Variants in FRMPD4 observed in about 807,000 individuals in gnomAD.
FRMPD4 encodes FERM and PDZ domain containing 4, also known as FERM and PDZ domain-containing protein 4.
A neutral mutation model predicts 94.1 loss-of-function variants in FRMPD4; 22 were observed. That is an observed-to-expected ratio of 0.23 (90% CI 0.17 to 0.33). FRMPD4 has a LOEUF of 0.33. Ranked by LOEUF, FRMPD4 falls within the 10% of genes least tolerant of loss-of-function variation. FRMPD4 has a pLI of 1.00. For synonymous variants in FRMPD4, 631 were observed against 548.6 expected (o/e 1.15, Z -2.10); for missense variants, 1,111 against 1,339.9 (o/e 0.83, Z 2.67).
intron 3 of FRMPD4, among the ~76,000 whole-genome samples, chrX:11,945,861 G>A (rs1279362057): frequency 8.9e-6 from 1 of 111,812 alleles, no homozygotes; most frequent in Non-Finnish European, 1.9e-5. Context: ...GAGATTTGGA[G>A]GAGACAAATA....
chrX:12,418,824 C>T (rs991823534), intron 1 of FRMPD4, among the ~76,000 whole-genome samples: 7 of 111,578 alleles, frequency 6.3e-5, no homozygotes, highest in Non-Finnish European at 1.1e-4. Flanking sequence ...TTATAAATAG[C>T]GGAAAACAGC....
chrX:12,305,725 G>GTTTTTTTTTTTTTTTTTTTTTTTTTTT (rs58794898), intron 1 of FRMPD4, among the ~76,000 whole-genome samples: 1 of 59,721 alleles, frequency 1.7e-5, no homozygotes, highest in African/African-American at 7.6e-5. Context: ...AGCTGGCTAA[G>GTTTTTTTTTTTTTTTTTTTTTTTTTTT]TTTTTTTTTT....
chrX:12,322,892 A>G (rs1001392737), intron 1 of FRMPD4, among the ~76,000 whole-genome samples: 1 of 111,774 alleles, frequency 8.9e-6, no homozygotes. Context: ...GTTATATATT[A>G]TATAATTAAT....
intron 1 of FRMPD4, among the ~76,000 whole-genome samples, chrX:12,439,002 G>T (rs1307271129): frequency 9.0e-6 from 1 of 111,055 alleles, no homozygotes; most frequent in African/African-American, 3.3e-5. Flanking sequence ...TCCTTATAAG[G>T]ATATGTTTGT....
intron 2 of FRMPD4, among the ~76,000 whole-genome samples, chrX:12,562,635 T>C (rs1339216507): frequency 6.2e-5 from 7 of 112,168 alleles, no homozygotes; most frequent in Non-Finnish European, 1.1e-4. Flanking sequence ...CACAGGAAAT[T>C]GACTTGAAAA....
chrX:12,494,642 A>G (rs1287238085), intron 1 of FRMPD4, among the ~76,000 whole-genome samples: 1 of 111,714 alleles, frequency 9.0e-6, no homozygotes, highest in Non-Finnish European at 1.9e-5. Context: ...CGAGCTGGCC[A>G]TCGAGATTTT....
In FRMPD4 at chrX:12,720,933, G is replaced by C; in HGVS notation, c.4364G>C (p.Ser1455Thr). Residue 1455 changes from serine (S) to threonine (T), a missense_variant, in exon 17 of 17, where the codon AGT becomes ACT. Ser to Thr is a moderately conservative substitution (Grantham distance 58, BLOSUM62 1). Around this residue, in one of 8 missense-constraint regions of FRMPD4, gnomAD observed 551 missense variants for 591.6 expected, o/e 0.93. Transcript: ENST00000675598. ...ELPLGRKLTKSFSQSSMHLSS... is the reference protein window; with the variant it reads ...ELPLGRKLTKTFSQSSMHLSS... ...CCCCTGGGGAGGAAGCTCACCAAAA[G>C]TTTTTCCCAAAGCTCAATGCACTTG... is the stretch of plus-strand genomic sequence containing the variant. 1 of 807,294 alleles carries C rather than the reference G, an allele frequency of 1.2e-6. No homozygotes were observed. The highest frequency in any genetic ancestry group is 1.5e-6 in the Non-Finnish European group (1 of 671,897). The allele number at this position is 807,294 out of a possible 1,213,427, so 66.5% of individuals were successfully genotyped here.
intron 1 of FRMPD4, among the ~76,000 whole-genome samples, chrX:12,447,970 T>A (rs1186257201): frequency 8.9e-6 from 1 of 112,156 alleles, no homozygotes; most frequent in South Asian, 3.7e-4. Flanking sequence ...CTAGGAAACA[T>A]GCTTTGGATT....
chrX:11,876,687 A>T (rs968170116), intron 2 of FRMPD4, among the ~76,000 whole-genome samples: 1 of 92,605 alleles, frequency 1.1e-5, no homozygotes, highest in African/African-American at 4.0e-5. Context: ...CATTGTGACA[A>T]ATCAAATTGG....
At chrX:11,855,467 C>T (rs1298297923) in intron 1 of FRMPD4, among the ~76,000 whole-genome samples, 1 of 112,245 alleles carries the variant, frequency 8.9e-6, no homozygotes, top group Non-Finnish European at 1.9e-5. Context: ...GCAAATTTTC[C>T]AAACTTTTAT....
chrX:12,168,814 A>C (rs1294599091), intron 1 of FRMPD4, among the ~76,000 whole-genome samples: 1 of 109,575 alleles, frequency 9.1e-6, no homozygotes, highest in Non-Finnish European at 1.9e-5. Flanking sequence ...TTTAGTAGAG[A>C]CGGGGTTTCA....
intron 1 of FRMPD4, among the ~76,000 whole-genome samples, chrX:11,861,990 G>A (rs891600461): frequency 3.6e-5 from 4 of 111,039 alleles, no homozygotes; most frequent in Admixed American, 9.6e-5. Flanking sequence ...AAGCAGGTAC[G>A]TCTTACATGG....
intron 1 of FRMPD4, among the ~76,000 whole-genome samples, chrX:12,318,807 G>A (rs1265429267): frequency 3.6e-5 from 4 of 110,720 alleles, no homozygotes; most frequent in Non-Finnish European, 5.7e-5. Flanking sequence ...AATGATAAAT[G>A]TTGCAGGCAA....
intron 3 of FRMPD4, among the ~76,000 whole-genome samples, chrX:11,991,383 A>G (rs940585524): frequency 8.0e-5 from 9 of 112,033 alleles, no homozygotes; most frequent in African/African-American, 2.9e-4. Flanking sequence ...TCCATAAACT[A>G]TCATGTAAAA....
chrX:12,306,454 G>A lies in FRMPD4; in HGVS notation c.41+167442G>A, dbSNP rs181411997. ...TTCATTATGAGAACACAGGCCAAATGTAACCAGTGATCCTTTCCTATTAAT... is the reference window on the plus strand; with the variant it reads ...TTCATTATGAGAACACAGGCCAAATATAACCAGTGATCCTTTCCTATTAAT... On this transcript the variant is annotated intron_variant, in intron 1 of 16. Coordinates refer to ENST00000675598, the MANE Select transcript of FRMPD4 (RefSeq NM_001368397.1). Among the ~76,000 whole-genome samples the A allele has an allele frequency of 9.2e-4, 103 of 111,843 alleles. 1 individual carries two copies. Among genetic ancestry groups the A allele is most frequent in the African/African-American group, 3.3e-3 (102 of 30,800 alleles).
At chrX:12,638,919 G>T (rs1219333733) in intron 4 of FRMPD4, among the ~76,000 whole-genome samples, 3 of 111,197 alleles carry the variant, frequency 2.7e-5, no homozygotes, top group Non-Finnish European at 3.8e-5. Context: ...TCCCACGCTG[G>T]CCATTATGGC....
At chrX:12,131,795 T>C (rs762167215) in intron 3 of FRMPD4, among the ~76,000 whole-genome samples, 12 of 112,232 alleles carry the variant, frequency 1.1e-4, no homozygotes, top group Admixed American at 1.0e-3. Flanking sequence ...ACTTAGCTTT[T>C]CTGGTCTCAC....
At chrX:12,384,807 A>T (rs993068734) in intron 1 of FRMPD4, among the ~76,000 whole-genome samples, 1 of 112,409 alleles carries the variant, frequency 8.9e-6, no homozygotes, top group African/African-American at 3.2e-5. Flanking sequence ...GCCAGAGGAC[A>T]TCCCAGAGTT....
intron 3 of FRMPD4, among the ~76,000 whole-genome samples, chrX:12,049,828 G>A (rs979499697): frequency 9.0e-6 from 1 of 110,907 alleles, no homozygotes; most frequent in African/African-American, 3.3e-5. Flanking sequence ...CTGACCCATC[G>A]TAGGCTTAGG....
Sources: gnomAD v4.1 joint callset for allele counts (sites outside exome capture counted in the v4.1 genomes callset) on GRCh38, gnomAD v4.1.1 for gene constraint, gnomAD v4.1.1 regional missense constraint, MANE v1.5 for transcripts, NCBI Gene and HGNC (gene_info 2026-07-23, HGNC 2026-07-21) for gene names.